MAD1L1: variants seen among roughly 807,000 people sequenced by gnomAD.
MAD1L1 encodes the protein mitotic spindle assembly checkpoint protein MAD1.
MAD1L1 carries 95 observed loss-of-function variants against 96.9 expected under a neutral mutation model. The observed-to-expected ratio is 0.98, with a 90% CI of 0.83 to 1.16. MAD1L1 has a LOEUF of 1.16. Among genes scored for constraint, MAD1L1 ranks in the 50% most tolerant of loss-of-function variants. The probability of loss-of-function intolerance (pLI) is 0.00; values close to 1 mark genes in which losing one functional copy is unlikely to be tolerated. For missense variants in MAD1L1, 1,007 were observed against 954.4 expected (o/e 1.06, Z -0.73); for synonymous variants, 473 against 396.6 (o/e 1.19, Z -2.29).
In MAD1L1 at chr7:1,936,820, G is replaced by A. The variant is rs761901037; in HGVS notation, c.1674C>T (p.Arg558=). The A allele has an allele frequency of 1.8e-5, 29 of 1,601,618 alleles. No homozygotes were observed. Among genetic ancestry groups the A allele is most frequent in the Non-Finnish European group, 2.1e-5 (25 of 1,175,074 alleles). ...CCGCCTGCAGCTGGCTGTGGTCCTC[G>A]CGCAGGCGCTGCCTGGCCACACTGG... ...NPTSVARQRL[R]EDHSQLQAEC... The change falls in exon 17 of 19, where the codon CGC becomes CGT. Residue 558 remains arginine (R), a synonymous_variant. Coordinates refer to ENST00000265854, the MANE Select transcript of MAD1L1 (RefSeq NM_001013836.2).
intron 12 of MAD1L1, among the ~76,000 whole-genome samples, chr7:2,053,257 G>A (rs556684815): frequency 2.0e-4 from 31 of 152,328 alleles, no homozygotes; most frequent in South Asian, 6.2e-4. Context: ...TGGGGGCCGC[G>A]GAGGCCCATG....
intron 13 of MAD1L1, among the ~76,000 whole-genome samples, chr7:2,002,973 C>G (rs1335689705): frequency 6.0e-4 from 2 of 3,314 alleles, no homozygotes; most frequent in Admixed American, 0.016. Flanking sequence ...CCCCCACCAC[C>G]TAAACACATT....
At chr7:1,839,472 G>T (rs769133570) in intron 18 of MAD1L1, among the ~76,000 whole-genome samples, 20 of 152,188 alleles carry the variant, frequency 1.3e-4, no homozygotes, top group Admixed American at 2.0e-4. Context: ...CCTGGGGCGG[G>T]GAACCAGCCT....
chr7:1,928,288 C>G (rs559127016), intron 17 of MAD1L1, among the ~76,000 whole-genome samples: 1 of 147,266 alleles, frequency 6.8e-6, no homozygotes, highest in Non-Finnish European at 1.5e-5. Flanking sequence ...CACGACAGAA[C>G]TGCCACACCT....
At chr7:1,969,313 C>T (rs1780307563) in intron 15 of MAD1L1, among the ~76,000 whole-genome samples, 1 of 152,094 alleles carries the variant, frequency 6.6e-6, no homozygotes, top group Non-Finnish European at 1.5e-5. Context: ...ACCCGGGAGG[C>T]AGAGGTTGCA....
intron 14 of MAD1L1, among the ~76,000 whole-genome samples, chr7:1,999,727 G>A (rs780718265): frequency 6.6e-6 from 1 of 152,144 alleles, no homozygotes; most frequent in Non-Finnish European, 1.5e-5. Context: ...ACTGCCCATC[G>A]GTAAAGCGAA....
At position 2,069,212 on chromosome 7, in the gene MAD1L1, C is replaced by A; in HGVS notation, c.1200G>T (p.Arg400=). The A allele has an allele frequency of 6.2e-7, 1 of 1,602,526 alleles. No homozygotes were observed. The highest frequency in any genetic ancestry group is 8.5e-7 in the Non-Finnish European group (1 of 1,175,016). ...HEALARRLQK[R]VLLLTKERDG... ...ACATCACCTTGGTGAGCAGCAGGAC[C>A]CGTTTCTGGAGCCTCCGGGCCAGCG... is the stretch of plus-strand genomic sequence containing the variant. Residue 400 remains arginine, a synonymous_variant, in exon 12 of 19, where the codon CGG becomes CGT. Coordinates refer to ENST00000265854, the MANE Select transcript of MAD1L1 (RefSeq NM_001013836.2).
At chr7:2,218,664 T>TAGGAGGCTGAGGCAGG (rs1198920862) in intron 6 of MAD1L1, among the ~76,000 whole-genome samples, 4 of 152,024 alleles carry the variant, frequency 2.6e-5, no homozygotes, top group Non-Finnish European at 5.9e-5. Context: ...CCCAGCACTC[T>TAGGAGGCTGAGGCAGG]AGGAGGCTGA....
At chr7:1,874,550 A>C in intron 18 of MAD1L1, 1 of 454,902 alleles carries the variant, frequency 2.2e-6, no homozygotes, top group South Asian at 1.6e-5. Flanking sequence ...GCTTCCTTAA[A>C]AAAAAAAATA....
In MAD1L1 at chr7:2,062,372, C is replaced by T. The variant is rs530715984; in HGVS notation, c.1218+6822G>A. On this transcript the variant is annotated intron_variant, in intron 12 of 18. Coordinates refer to ENST00000265854, the MANE Select transcript of MAD1L1 (RefSeq NM_001013836.2). ...TAGGGGGATCACGAGGTCAGGAGTT[C>T]GAGACCAACCTGGCCAACATGGTGA... is the stretch of plus-strand genomic sequence containing the variant. Among the ~76,000 whole-genome samples the T allele has an allele frequency of 5.5e-4, 84 of 151,564 alleles. 2 individuals carry two copies. In the South Asian group the frequency reaches 0.016, roughly 29 times the overall value.
chr7:2,015,968 G>A (rs545292906), intron 12 of MAD1L1, among the ~76,000 whole-genome samples: 2 of 152,308 alleles, frequency 1.3e-5, no homozygotes, highest in Non-Finnish European at 1.5e-5. Flanking sequence ...TAGAGCCCAG[G>A]AAGAAGCGGA....
At chr7:1,827,542 G>A (rs1782473229) in intron 18 of MAD1L1, among the ~76,000 whole-genome samples, 1 of 130,948 alleles carries the variant, frequency 7.6e-6, no homozygotes, top group African/African-American at 2.7e-5. Context: ...CCCGGGTGTG[G>A]GGGCCTCCCC....
In MAD1L1 at chr7:2,217,866, C is replaced by A. The variant is rs1025537317; in HGVS notation, c.678+96G>T. 3.9e-6 allele frequency: 4 copies of A among 1,030,896 alleles called. No individual in the cohort carries two copies. The African/African-American group carries it at 6.3e-5, about 16-fold the overall frequency. The allele number at this position is 1,030,896 out of a possible 1,614,324, so 63.9% of individuals were successfully genotyped here. A position where few individuals can be genotyped will look rare whatever the true frequency, so the allele number is the denominator to read the frequency against. On this transcript the variant is annotated intron_variant, in intron 7 of 18. Coordinates refer to ENST00000265854, the MANE Select transcript of MAD1L1 (RefSeq NM_001013836.2). Reference sequence around the variant, plus strand: ...GCAGCAGCTAACCTCACAGAAGGACCACGGAGCTCGGCACCAGCGCAGAAA... The same window carrying A: ...GCAGCAGCTAACCTCACAGAAGGACAACGGAGCTCGGCACCAGCGCAGAAA...
chr7:2,109,047 C>T (rs184569377), intron 11 of MAD1L1, among the ~76,000 whole-genome samples: 4 of 152,378 alleles, frequency 2.6e-5, no homozygotes, highest in Admixed American at 6.5e-5. Context: ...CACACAGCCT[C>T]CCCGCACCCG....
intron 14 of MAD1L1, among the ~76,000 whole-genome samples, chr7:1,988,782 C>G (rs1781275326): frequency 6.6e-6 from 1 of 152,188 alleles, no homozygotes. Flanking sequence ...CCTGCGTGTG[C>G]TCCGGGCAGT....
At chr7:2,016,293 C>A (rs968138076) in intron 12 of MAD1L1, among the ~76,000 whole-genome samples, 1 of 152,198 alleles carries the variant, frequency 6.6e-6, no homozygotes, top group African/African-American at 2.4e-5. Context: ...CCAGCGTGCT[C>A]CCCACCAGGT....
chr7:2,097,687 C>A (rs572678405), intron 11 of MAD1L1, among the ~76,000 whole-genome samples: 15 of 152,318 alleles, frequency 9.8e-5, no homozygotes, highest in African/African-American at 3.6e-4. Flanking sequence ...GAAGGGCACG[C>A]CCCTGGCACA....
intron 11 of MAD1L1, among the ~76,000 whole-genome samples, chr7:2,092,801 T>G (rs991346820): frequency 2.0e-4 from 30 of 152,296 alleles, no homozygotes; most frequent in Non-Finnish European, 3.4e-4. Flanking sequence ...CAAGGCAAAT[T>G]TATCAAATTT....
chr7:2,006,040 G>T (rs1053986497), intron 13 of MAD1L1, among the ~76,000 whole-genome samples: 3 of 152,124 alleles, frequency 2.0e-5, no homozygotes, highest in Non-Finnish European at 4.4e-5. Context: ...GAGCGGCAGG[G>T]AGGCAGGAGG....
Sources: gnomAD v4.1 joint callset for allele counts (sites outside exome capture counted in the v4.1 genomes callset) on GRCh38, gnomAD v4.1.1 for gene constraint, MANE v1.5 for transcripts, NCBI Gene and HGNC (gene_info 2026-07-23, HGNC 2026-07-21) for gene names.